The following CLVS1 variants were observed in gnomAD, a reference collection of about 807,000 sequenced individuals.
The protein encoded by CLVS1 is clavesin-1.
A neutral mutation model predicts 33.1 loss-of-function variants in CLVS1; 10 were observed. That is an observed-to-expected ratio of 0.30 (90% CI 0.19 to 0.51). The LOEUF is 0.51. CLVS1 is among the 20% of genes least tolerant of loss of function. CLVS1 has a pLI of 0.97. For synonymous variants in CLVS1, 163 were observed against 166.1 expected (o/e 0.98, Z 0.14); for missense variants, 343 against 433.4 (o/e 0.79, Z 1.85).
At chr8:61,465,020 G>A (rs973292076) in intron 5 of CLVS1, 4 of 152,270 alleles carry the variant, frequency 2.6e-5, no homozygotes, top group African/African-American at 7.2e-5. Flanking sequence ...TGACAGAGAG[G>A]TCTGTTCTCC....
chr8:61,339,774 G>A (rs1241362272), intron 2 of CLVS1, among the ~76,000 whole-genome samples: 2 of 129,812 alleles, frequency 1.5e-5, no homozygotes, highest in East Asian at 4.9e-4. Flanking sequence ...AGAGAGGGAA[G>A]GAAAGAAAAC....
At chr8:61,339,509 C>G (rs1264939562) in intron 2 of CLVS1, among the ~76,000 whole-genome samples, 1 of 152,192 alleles carries the variant, frequency 6.6e-6, no homozygotes, top group Non-Finnish European at 1.5e-5. Context: ...TGTCCTGTGT[C>G]TTTGAAGGTC....
At chr8:61,054,739 C>T (rs1804448123), upstream of CLVS1, among the ~76,000 whole-genome samples, 1 of 152,070 alleles carries the variant, frequency 6.6e-6, no homozygotes, top group Non-Finnish European at 1.5e-5. Context: ...GTTATTCAGG[C>T]TTCCTCATCT....
chr8:61,000,649 C>G, the CLVS1 span, among the ~76,000 whole-genome samples: 1 of 152,138 alleles, frequency 6.6e-6, no homozygotes, highest in African/African-American at 2.4e-5. Flanking sequence ...TCTCCTCATG[C>G]TTGTGACAAA....
At chr8:61,016,762 C>G in the CLVS1 span, among the ~76,000 whole-genome samples, 20 of 152,154 alleles carry the variant, frequency 1.3e-4, no homozygotes, top group Middle Eastern at 3.2e-3. Flanking sequence ...CGAGACTCCC[C>G]AGAATACAGA....
intron 2 of CLVS1, among the ~76,000 whole-genome samples, chr8:61,233,541 G>GA (rs1269088379): frequency 1.2e-4 from 17 of 143,690 alleles, no homozygotes; most frequent in Non-Finnish European, 1.5e-4. Flanking sequence ...AAAAGAAAAA[G>GA]AAAAAAAAAA....
chr8:61,124,017 A>C (rs1242452487), intron 1 of CLVS1, among the ~76,000 whole-genome samples: 2 of 152,256 alleles, frequency 1.3e-5, no homozygotes, highest in Non-Finnish European at 2.9e-5. Flanking sequence ...ACAAAGGCAC[A>C]GAGACAAAAA....
At chr8:61,320,573 G>A (rs1181311453) in intron 2 of CLVS1, among the ~76,000 whole-genome samples, 7 of 152,162 alleles carry the variant, frequency 4.6e-5, no homozygotes, top group Admixed American at 2.0e-4. Context: ...CAACAGAAAT[G>A]TATTTCTCAC....
At chr8:61,463,919 A>T (rs933238565) in intron 5 of CLVS1, among the ~76,000 whole-genome samples, 1 of 151,804 alleles carries the variant, frequency 6.6e-6, no homozygotes, top group Non-Finnish European at 1.5e-5. Flanking sequence ...AAATACAAAA[A>T]AAAATTAGCC....
intron 2 of CLVS1, among the ~76,000 whole-genome samples, chr8:61,184,901 A>G (rs759243605): frequency 1.2e-4 from 19 of 152,356 alleles, no homozygotes; most frequent in Non-Finnish European, 1.6e-4. Context: ...GATAAAATTA[A>G]TATGCATTCA....
chr8:61,140,331 G>T (rs1011180266), intron 2 of CLVS1, among the ~76,000 whole-genome samples: 1 of 152,144 alleles, frequency 6.6e-6, no homozygotes, highest in Non-Finnish European at 1.5e-5. Flanking sequence ...TGGTCTTGGT[G>T]TAAATGAAAG....
the CLVS1 span, among the ~76,000 whole-genome samples, chr8:60,974,277 G>A: frequency 6.6e-6 from 1 of 152,178 alleles, no homozygotes; most frequent in Non-Finnish European, 1.5e-5. Context: ...GAGGCCAGCA[G>A]CTCTGTTTGT....
At chr8:61,161,805 A>C (rs1408073249) in intron 2 of CLVS1, among the ~76,000 whole-genome samples, 1 of 152,238 alleles carries the variant, frequency 6.6e-6, no homozygotes, top group East Asian at 1.9e-4. Context: ...TCTCATCGCA[A>C]AAAAATAAAT....
chr8:60,993,738 A>G, the CLVS1 span, among the ~76,000 whole-genome samples: 1 of 152,112 alleles, frequency 6.6e-6, no homozygotes, highest in South Asian at 2.1e-4. Context: ...GACCTCCCCC[A>G]TCAACCATTT....
chr8:61,498,447 G>T (rs909289153), intron 5 of CLVS1, among the ~76,000 whole-genome samples: 2 of 152,164 alleles, frequency 1.3e-5, no homozygotes, highest in Admixed American at 1.3e-4. Context: ...TTACTTATTT[G>T]AACAATTTAA....
intron 5 of CLVS1, among the ~76,000 whole-genome samples, chr8:61,470,586 G>A (rs866021383): frequency 6.6e-6 from 1 of 152,338 alleles, no homozygotes; most frequent in South Asian, 2.1e-4. Context: ...ATTGCTGTTG[G>A]TAGACAACCA....
intron 5 of CLVS1, among the ~76,000 whole-genome samples, chr8:61,481,407 C>T (rs1818189992): frequency 6.6e-6 from 1 of 152,100 alleles, no homozygotes; most frequent in Admixed American, 6.6e-5. Flanking sequence ...GGCATCACCT[C>T]ACCCAGGAAG....
intron 1 of CLVS1, among the ~76,000 whole-genome samples, chr8:61,080,242 T>C (rs923105316): frequency 5.9e-5 from 9 of 152,230 alleles, no homozygotes; most frequent in Non-Finnish European, 1.0e-4. Flanking sequence ...AAAAACACTA[T>C]ATATTACAAG....
chr8:61,062,266 G>A (rs1804595979), intron 1 of CLVS1, among the ~76,000 whole-genome samples: 2 of 152,196 alleles, frequency 1.3e-5, no homozygotes, highest in South Asian at 4.1e-4. Flanking sequence ...AAGAAATAAT[G>A]AGTGTGTGTC....
Sources: gnomAD v4.1 joint callset for allele counts (sites outside exome capture counted in the v4.1 genomes callset) on GRCh38, gnomAD v4.1.1 for gene constraint, MANE v1.5 for transcripts, NCBI Gene and HGNC (gene_info 2026-07-23, HGNC 2026-07-21) for gene names.